Variants in AGK observed in about 807,000 individuals in gnomAD.
AGK encodes the protein acylglycerol kinase, mitochondrial.
In AGK, 52 loss-of-function variants were observed where a neutral mutation model predicts 66.4. That is an observed-to-expected ratio of 0.78 (90% confidence interval 0.63 to 0.99). The LOEUF (loss-of-function observed/expected upper bound fraction) is 0.99, where lower values mean the gene tolerates loss of function less well. AGK is among the 50% of genes least tolerant of loss of function. AGK has a pLI of 0.00. For synonymous variants in AGK, 182 were observed against 181.1 expected (o/e 1.00, Z -0.04); for missense variants, 451 against 506.6 (o/e 0.89, Z 1.05).
intron 5 of AGK, among the ~76,000 whole-genome samples, chr7:141,604,800 T>A (rs1796422556): frequency 6.6e-6 from 1 of 152,014 alleles, no homozygotes; most frequent in Non-Finnish European, 1.5e-5. Context: ...GCCAGGATGG[T>A]CTCGATCTCT....
At chr7:141,587,014 C>T (rs1796007524) in intron 2 of AGK, among the ~76,000 whole-genome samples, 1 of 152,124 alleles carries the variant, frequency 6.6e-6, no homozygotes, top group Admixed American at 6.6e-5. Context: ...GCCTAGACAC[C>T]TCCACCCGGG....
intron 2 of AGK, among the ~76,000 whole-genome samples, chr7:141,563,285 T>A (rs1795391781): frequency 6.6e-6 from 1 of 152,244 alleles, no homozygotes; most frequent in Non-Finnish European, 1.5e-5. Context: ...ATCTCTGTCC[T>A]TTCAAATGGG....
chr7:141,601,499 CT>C (rs1796339944), intron 5 of AGK, among the ~76,000 whole-genome samples: 1 of 152,152 alleles, frequency 6.6e-6, no homozygotes, highest in Non-Finnish European at 1.5e-5. Flanking sequence ...AACTTGACAC[CT>C]TTCATCTGAG....
chr7:141,574,747 A>C (rs1223079319), intron 2 of AGK, among the ~76,000 whole-genome samples: 2 of 152,236 alleles, frequency 1.3e-5, no homozygotes, highest in Non-Finnish European at 2.9e-5. Flanking sequence ...AGGTACTTGA[A>C]GTATTCACAA....
intron 2 of AGK, among the ~76,000 whole-genome samples, chr7:141,584,147 G>T (rs987234812): frequency 6.6e-6 from 1 of 152,202 alleles, no homozygotes; most frequent in Admixed American, 6.5e-5. Flanking sequence ...GAGAGTCAGC[G>T]AAGGGAGATA....
chr7:141,628,990 C>T (rs928745799), intron 9 of AGK, among the ~76,000 whole-genome samples: 2 of 152,186 alleles, frequency 1.3e-5, no homozygotes, highest in Non-Finnish European at 2.9e-5. Flanking sequence ...CCAAATAAGG[C>T]ATAGAGGGGA....
intron 2 of AGK, among the ~76,000 whole-genome samples, chr7:141,568,075 A>G (rs1795507543): frequency 6.6e-6 from 1 of 152,218 alleles, no homozygotes. Context: ...GCCCTGTGGA[A>G]GTTAAAACCA....
chr7:141,612,330 T>C (rs1796606974), intron 6 of AGK, among the ~76,000 whole-genome samples: 2 of 152,270 alleles, frequency 1.3e-5, no homozygotes, highest in East Asian at 1.9e-4. Flanking sequence ...GAGGGATGAA[T>C]AGGCAGAGCA....
chr7:141,631,869 T>C (rs1442510751), intron 9 of AGK, among the ~76,000 whole-genome samples: 1 of 152,198 alleles, frequency 6.6e-6, no homozygotes, highest in Non-Finnish European at 1.5e-5. Context: ...CATTTGGATT[T>C]CTCATGTACT....
intron 8 of AGK, chr7:141,616,286 T>G (rs972012291): frequency 6.6e-6 from 1 of 152,226 alleles, no homozygotes; most frequent in Non-Finnish European, 1.5e-5. Flanking sequence ...AATGGAGAGA[T>G]AGCTGAGAGA....
intron 6 of AGK, 89 bp downstream of exon 6, chr7:141,611,376 A>G: frequency 5.6e-6 from 5 of 892,184 alleles, no homozygotes; most frequent in Non-Finnish European, 8.2e-6. Flanking sequence ...AATTTAAAGA[A>G]ATTTTTTATT....
At chr7:141,623,379 CAAAAAAAAAAAAAGA>C (rs1199972182) in intron 9 of AGK, among the ~76,000 whole-genome samples, 2 of 54,236 alleles carry the variant, frequency 3.7e-5, no homozygotes, top group Non-Finnish European at 4.4e-5. Flanking sequence ...AACTTTTTCT[CAAAAAAAAAAAAAGA>C]AAAAAAAAAG....
intron 2 of AGK, among the ~76,000 whole-genome samples, chr7:141,558,083 G>A (rs1253833368): frequency 1.3e-5 from 2 of 152,080 alleles, no homozygotes; most frequent in Admixed American, 6.5e-5. Flanking sequence ...CTTTGTGTCA[G>A]TGAGTCATAT....
intron 5 of AGK, among the ~76,000 whole-genome samples, chr7:141,602,286 T>G (rs1160669554): frequency 6.6e-6 from 1 of 151,710 alleles, no homozygotes; most frequent in Non-Finnish European, 1.5e-5. Context: ...CCCCCCACCT[T>G]GGCTTCCCAA....
intron 2 of AGK, among the ~76,000 whole-genome samples, chr7:141,572,262 A>C (rs1441188717): frequency 6.6e-6 from 1 of 152,232 alleles, no homozygotes; most frequent in Non-Finnish European, 1.5e-5. Flanking sequence ...AAAAAGTCTG[A>C]AGGTTAAGAG....
rs762829164 is a variant in AGK at position 141,568,574 on chromosome 7, CT to C, written c.101+13022del. 3.9e-3 allele frequency among the ~76,000 whole-genome samples: 554 copies of C among 141,604 alleles called. 2 individuals carry two copies. Among genetic ancestry groups the C allele is most frequent in the Non-Finnish European group, 4.4e-3 (283 of 64,576 alleles). The allele number at this position is 141,604 out of a possible 152,430, so 92.9% of individuals were successfully genotyped here. Reference sequence around the variant, plus strand: ...CCAGGGCCATCCCATTTCTTTCTTTCTTTTTTTTTTTTTTTGAGACACAGTC... The same window carrying C: ...CCAGGGCCATCCCATTTCTTTCTTTCTTTTTTTTTTTTTTGAGACACAGTC... On this transcript the variant is annotated intron_variant, in intron 2 of 15. Coordinates refer to ENST00000649286, the MANE Select transcript of AGK (RefSeq NM_018238.4).
rs144516066 is a variant in AGK, at chr7:141,579,380, C to T, written c.102-13766C>T. Among the ~76,000 whole-genome samples the T allele has an allele frequency of 4.3e-4, 66 of 151,978 alleles. 1 individual carries two copies. The East Asian group carries it at 9.1e-3, about 21-fold the overall frequency. On this transcript the variant is annotated intron_variant, in intron 2 of 15. Coordinates refer to ENST00000649286, the MANE Select transcript of AGK (RefSeq NM_018238.4). Reference sequence around the variant, plus strand: ...CTTGGGTGATTTGACTAGTAAAGGCCGGTCTGTTATTGGACTGTATAGAGG... The same window carrying T: ...CTTGGGTGATTTGACTAGTAAAGGCTGGTCTGTTATTGGACTGTATAGAGG...
chr7:141,611,208 G>T lies in AGK; in HGVS notation c.311G>T (p.Gly104Val), dbSNP rs1340580088. The T allele has an allele frequency of 6.2e-7, 1 of 1,612,912 alleles. No homozygotes were observed. Among genetic ancestry groups the T allele is most frequent in the Admixed American group, 1.7e-5 (1 of 59,954 alleles). Residue 104 changes from glycine (G) to valine (V), a missense_variant, in exon 6 of 16, where the codon GGA (glycine) becomes GTA (valine). Physicochemically the swap from Gly to Val is moderately radical, Grantham distance 109 (BLOSUM62 -3). Coordinates refer to ENST00000649286, the MANE Select transcript of AGK (RefSeq NM_018238.4). ...TTGGTATTTCAGACAGATTATGAGG[G>T]ACAAGCCAAGAAACTCCTGGAACTG... ...DVTIVKTDYE[G>V]QAKKLLELME...
In AGK at chr7:141,620,712, A is replaced by G. The variant is rs887061920; in HGVS notation, c.519-1020A>G. On this transcript the variant is annotated intron_variant, in intron 8 of 15. Coordinates refer to ENST00000649286, the MANE Select transcript of AGK (RefSeq NM_018238.4). ...ATCCAGTCATAAGGAGTCCCCCACA[A>G]TATTGTAAGATATGCCTCCAGGAGC... Among the ~76,000 whole-genome samples the G allele has an allele frequency of 3.9e-5, 6 of 152,202 alleles. No individual in the cohort carries two copies. In the East Asian group the frequency reaches 1.2e-3, roughly 29 times the overall value.
Sources: allele counts gnomAD v4.1 joint callset (sites outside exome capture counted in the v4.1 genomes callset), GRCh38; gene constraint gnomAD v4.1.1; transcripts MANE v1.5; gene names NCBI Gene and HGNC (gene_info 2026-07-23, HGNC 2026-07-21).